PIGF: variants seen among roughly 807,000 people sequenced by gnomAD.
PIGF encodes the protein GPI ethanolamine phosphate transferase, stabilizing subunit.
In PIGF, 23 loss-of-function variants were observed where a neutral mutation model predicts 26.0. The observed-to-expected ratio is 0.88, with a 90% CI of 0.64 to 1.25. The LOEUF (loss-of-function observed/expected upper bound fraction) is 1.25. Ranked by LOEUF, PIGF falls within the 50% of genes most tolerant of loss-of-function variation. The pLI, the probability that PIGF is intolerant of heterozygous loss-of-function variation, is 0.00. For missense variants in PIGF, 278 were observed against 249.9 expected, an observed-to-expected ratio of 1.11 and a Z score of -0.76; for synonymous variants, 93 against 92.6, an observed-to-expected ratio of 1.00 and a Z score of -0.03.
intron 2 of PIGF, chr2:46,614,705 T>G: frequency 2.5e-6 from 1 of 395,876 alleles, no homozygotes; most frequent in Non-Finnish European, 4.6e-6. Context: ...GCTCACAATA[T>G]TATAATATGC....
intron 5 of PIGF, chr2:46,582,241 C>T (rs373866859): frequency 2.0e-5 from 3 of 151,266 alleles, no homozygotes; most frequent in East Asian, 3.9e-4. Flanking sequence ...TGATTTATTT[C>T]ATCTACAAGC....
chr2:46,583,850 G>C lies in PIGF; in HGVS notation c.547-2259C>G, dbSNP rs568171311. Among the ~76,000 whole-genome samples, 4 of 152,280 alleles carry C rather than the reference G, an allele frequency of 2.6e-5. No homozygotes were observed. The South Asian group carries it at 8.3e-4, about 32-fold the overall frequency. On this transcript the variant is annotated intron_variant, in intron 5 of 5. Coordinates refer to ENST00000281382, the MANE Select transcript of PIGF (RefSeq NM_002643.4). ...CACTGCCTCAAATAAGGCCATGTAT[G>C]AATGAACTTACAAGATATTTGAGTT...
rs17035332 is a variant in PIGF, at chr2:46,587,649, A to C, written c.546+4826T>G. ...TCGTAAGAAATAAGCATCCTAGCCG[A>C]GACTTGATTATTTGGTTCAAATATT... On this transcript the variant is annotated intron_variant, in intron 5 of 5. Transcript: ENST00000281382. 2.2e-3 allele frequency among the ~76,000 whole-genome samples: 338 copies of C among 152,304 alleles called. 8 individuals carry two copies. In the South Asian group the frequency reaches 0.041, roughly 19 times the overall value.
intron 4 of PIGF, 43 bp downstream of exon 4, chr2:46,612,185 T>C (rs1188000200): frequency 3.3e-6 from 2 of 601,834 alleles, no homozygotes; most frequent in African/African-American, 1.9e-5. Context: ...TCATTAATTA[T>C]TTTTTAATTT....
intron 4 of PIGF, among the ~76,000 whole-genome samples, chr2:46,602,066 A>G (rs1670076873): frequency 6.6e-6 from 1 of 152,028 alleles, no homozygotes; most frequent in Non-Finnish European, 1.5e-5. Flanking sequence ...TGCCAATGCA[A>G]TAACTGAATT....
At chr2:46,604,200 A>T (rs1298943189) in intron 4 of PIGF, among the ~76,000 whole-genome samples, 1 of 152,098 alleles carries the variant, frequency 6.6e-6, no homozygotes, top group Non-Finnish European at 1.5e-5. Context: ...CTTTTATCCA[A>T]AAGGCAGGCA....
In PIGF at chr2:46,581,278, G is replaced by T; in HGVS notation, c.*200C>A. On this transcript the variant is annotated 3_prime_UTR_variant, in exon 6 of 6. Transcript: ENST00000281382. ...TAAGAAGCAGTAAGCAGCATCTGAA[G>T]CCACAATCTATTATAAATACTTTAT... 1 of 972,100 alleles carries T rather than the reference G, an allele frequency of 1.0e-6. No homozygotes were observed. The highest frequency in any genetic ancestry group is 1.5e-6 in the Non-Finnish European group (1 of 668,106). 60.2% of individuals were successfully genotyped at this position (972,100 alleles called of 1,614,324 possible).
intron 4 of PIGF, among the ~76,000 whole-genome samples, 172 bp downstream of exon 4, chr2:46,612,056 G>A (rs1173647688): frequency 6.6e-6 from 1 of 151,760 alleles, no homozygotes; most frequent in Admixed American, 6.6e-5. Context: ...GGGGCTTGTA[G>A]TTCTGCCTGC....
intron 4 of PIGF, among the ~76,000 whole-genome samples, chr2:46,611,959 CTTCT>C (rs933183010): frequency 1.4e-5 from 2 of 139,150 alleles, no homozygotes; most frequent in South Asian, 2.2e-4. Flanking sequence ...ATTTCTTCTT[CTTCT>C]TTTTTTTTTT....
intron 4 of PIGF, among the ~76,000 whole-genome samples, chr2:46,601,640 C>A (rs1349123832): frequency 6.6e-6 from 1 of 152,006 alleles, no homozygotes; most frequent in Non-Finnish European, 1.5e-5. Context: ...TGCCTCTTTG[C>A]CACTAAATTT....
chr2:46,592,791 A>G (rs992524541), intron 4 of PIGF, among the ~76,000 whole-genome samples: 2 of 152,252 alleles, frequency 1.3e-5, no homozygotes, highest in Non-Finnish European at 1.5e-5. Context: ...GGTAATATAC[A>G]GACGCACTAG....
intron 4 of PIGF, among the ~76,000 whole-genome samples, chr2:46,609,211 G>T (rs993384700): frequency 6.6e-6 from 1 of 152,216 alleles, no homozygotes; most frequent in Admixed American, 6.5e-5. Flanking sequence ...TGATGGCGAT[G>T]GCCTCTTTCC....
chr2:46,605,151 A>G (rs1212038165), intron 4 of PIGF, among the ~76,000 whole-genome samples: 2 of 152,084 alleles, frequency 1.3e-5, no homozygotes, highest in East Asian at 3.8e-4. Flanking sequence ...TTTTTGCTTA[A>G]AAGTGAACAT....
rs930222159 is a variant in PIGF, at chr2:46,591,505, A to G, written c.546+970T>C. The G allele has an allele frequency of 9.4e-6, 8 of 855,406 alleles. No homozygotes were observed. The Admixed American group carries it at 5.0e-4, about 53-fold the overall frequency. The allele number at this position is 855,406 out of a possible 1,614,324, so 53.0% of individuals were successfully genotyped here. ...AAAGAAAGCACATTTATTTTTTAAT[A>G]CCATAATTCTTTTTGGGAGTAATTA... On this transcript the variant is annotated intron_variant, in intron 5 of 5. Coordinates refer to ENST00000281382, the MANE Select transcript of PIGF (RefSeq NM_002643.4).
chr2:46,611,921 CTTTCT>C (rs1356418762), intron 4 of PIGF, among the ~76,000 whole-genome samples: 1 of 151,788 alleles, frequency 6.6e-6, no homozygotes, highest in Admixed American at 6.6e-5. Flanking sequence ...GTTTTCAAGG[CTTTCT>C]TTTAATAGTA....
At chr2:46,594,628 C>T (rs556155790) in intron 4 of PIGF, among the ~76,000 whole-genome samples, 8 of 151,676 alleles carry the variant, frequency 5.3e-5, no homozygotes, top group African/African-American at 1.7e-4. Context: ...CTCCACCTCC[C>T]GGGTTCAAGC....
At chr2:46,582,527 A>C (rs529886254) in intron 5 of PIGF, 3 of 152,410 alleles carry the variant, frequency 2.0e-5, no homozygotes, top group East Asian at 3.9e-4. Context: ...GTGTTAGACA[A>C]AGCTTCATTG....
intron 5 of PIGF, chr2:46,587,981 T>C: frequency 9.8e-7 from 1 of 1,023,298 alleles, no homozygotes; most frequent in Non-Finnish European, 1.3e-6. Context: ...ATCTTAAGTC[T>C]CCCTCTTCCC....
At chr2:46,598,319 T>C (rs758451327) in intron 4 of PIGF, among the ~76,000 whole-genome samples, 1 of 152,148 alleles carries the variant, frequency 6.6e-6, no homozygotes, top group African/African-American at 2.4e-5. Flanking sequence ...TGGATTTTAT[T>C]TGACGTATTC....
Sources: allele counts gnomAD v4.1 joint callset (sites outside exome capture counted in the v4.1 genomes callset), GRCh38; gene constraint gnomAD v4.1.1; transcripts MANE v1.5; gene names NCBI Gene and HGNC (gene_info 2026-07-23, HGNC 2026-07-21).